The following ODF2L variants were observed in gnomAD, a reference collection of about 807,000 sequenced individuals.
ODF2L encodes the protein protein BCAP.
ODF2L carries 76 observed loss-of-function variants against 86.3 expected under a neutral mutation model. The observed-to-expected ratio is 0.88, with a 90% CI of 0.73 to 1.07. ODF2L has a LOEUF of 1.07. Ranked by LOEUF, ODF2L falls within the 50% of genes least tolerant of loss-of-function variation. The pLI, the probability that ODF2L is intolerant of heterozygous loss-of-function variation, is 0.00. For synonymous variants in ODF2L, 241 were observed against 231.3 expected (o/e 1.04, Z -0.38); for missense variants, 748 against 717.4 (o/e 1.04, Z -0.49).
At chr1:86,383,514 G>A (rs986165937) in intron 4 of ODF2L, among the ~76,000 whole-genome samples, 6 of 151,616 alleles carry the variant, frequency 4.0e-5, no homozygotes, top group African/African-American at 1.5e-4. Flanking sequence ...GCAACACAGT[G>A]CTGTTTACAA....
intron 14 of ODF2L, chr1:86,355,075 T>C (rs778184063): frequency 3.5e-5 from 19 of 541,620 alleles, no homozygotes; most frequent in Non-Finnish European, 5.9e-5. Flanking sequence ...TATTGGAAAA[T>C]AACCAACTAA....
exon 18 of ODF2L, chr1:86,351,574 G>A (rs576906436): frequency 6.6e-6 from 1 of 152,232 alleles, no homozygotes; most frequent in African/African-American, 2.4e-5. Context: ...TTGGTTATGT[G>A]AGCTCTTTTT....
chr1:86,383,255 T>A, intron 4 of ODF2L, 59 bp from the exon 5 acceptor site: 1 of 880,192 alleles, frequency 1.1e-6, no homozygotes, highest in Non-Finnish European at 1.8e-6. Context: ...TATAAAAAAG[T>A]AGGAAGTGAA....
intron 1 of ODF2L, among the ~76,000 whole-genome samples, chr1:86,393,182 T>G (rs964318832): frequency 6.6e-6 from 1 of 152,198 alleles, no homozygotes; most frequent in Non-Finnish European, 1.5e-5. Flanking sequence ...CTGAAGAGAA[T>G]AGCATATGAA....
At chr1:86,356,979 CT>C (rs1229138845) in intron 13 of ODF2L, among the ~76,000 whole-genome samples, 3 of 152,160 alleles carry the variant, frequency 2.0e-5, no homozygotes, top group Non-Finnish European at 4.4e-5. Flanking sequence ...GGAATTGTCA[CT>C]TTTAGTCATT....
intron 11 of ODF2L, among the ~76,000 whole-genome samples, chr1:86,364,423 T>C (rs544883574): frequency 6.6e-6 from 1 of 152,164 alleles, no homozygotes; most frequent in African/African-American, 2.4e-5. Context: ...AGGATTTAGA[T>C]ACTGAGAAAA....
At chr1:86,353,722 A>G (rs1355266424) in intron 16 of ODF2L, among the ~76,000 whole-genome samples, 1 of 152,162 alleles carries the variant, frequency 6.6e-6, no homozygotes, top group Non-Finnish European at 1.5e-5. Flanking sequence ...TCTTCTGTAC[A>G]TATTCCAAGC....
Position 86,371,657 on chromosome 1 carries a change from A to C in ODF2L, c.921-504T>G, listed in dbSNP as rs12047794. On this transcript the variant is annotated intron_variant, in intron 9 of 17. Transcript: ENST00000317336. ...TAGTGTTATCAGTAATACATTTCAA[A>C]TAATAAAATATATGTATTTTTATTT... Among the ~76,000 whole-genome samples the C allele has an allele frequency of 5.9e-4, 90 of 152,292 alleles. 1 individual carries two copies. The East Asian group carries it at 0.016, about 28-fold the overall frequency.
chr1:86,382,485 T>C (rs1392821942), intron 6 of ODF2L, 127 bp from the exon 7 acceptor site: 10 of 1,462,408 alleles, frequency 6.8e-6, no homozygotes. Flanking sequence ...AGCACTACTT[T>C]ACATAAACTG....
Position 86,360,545 on chromosome 1 carries a change from A to C in ODF2L, c.1144-9T>G. ...AAAGCAGCAAGTGTAGTCTAGCAAA[A>C]AAGATATAGATTTTATAAGTCATTA... On this transcript the variant is annotated splice_polypyrimidine_tract_variant and intron_variant, in intron 11 of 17. Transcript: ENST00000317336. The C allele has an allele frequency of 7.7e-7, 1 of 1,303,160 alleles. No individual in the cohort carries two copies. The highest frequency in any genetic ancestry group is 1.1e-6 in the Non-Finnish European group (1 of 912,782). 80.7% of individuals were successfully genotyped at this position (1,303,160 alleles called of 1,614,324 possible). A position where few individuals can be genotyped will look rare whatever the true frequency, so the allele number is the denominator to read the frequency against.
chr1:86,352,786 A>C (rs1348230985), intron 17 of ODF2L, 73 bp downstream of exon 16: 2 of 891,542 alleles, frequency 2.2e-6, no homozygotes, highest in Non-Finnish European at 3.4e-6. Context: ...TGATTCACTC[A>C]CTTTGTATTT....
intron 7 of ODF2L, among the ~76,000 whole-genome samples, chr1:86,379,967 A>G (rs1660451267): frequency 6.6e-6 from 1 of 152,196 alleles, no homozygotes; most frequent in Non-Finnish European, 1.5e-5. Flanking sequence ...GGTAACTCAG[A>G]TGCTTTTATT....
chr1:86,358,032 G>T, intron 13 of ODF2L: 1 of 984,972 alleles, frequency 1.0e-6, no homozygotes, highest in Non-Finnish European at 1.2e-6. Context: ...CTATCTTTAT[G>T]TCTGTATAAC....
chr1:86,394,069 C>G (rs1661526320), intron 1 of ODF2L, among the ~76,000 whole-genome samples: 1 of 152,168 alleles, frequency 6.6e-6, no homozygotes, highest in African/African-American at 2.4e-5. Flanking sequence ...ATTTACTGAG[C>G]AGAGCACTGA....
At chr1:86,356,589 A>G (rs1251571449) in exon 14 of ODF2L, 4 of 1,613,580 alleles carry the variant, frequency 2.5e-6, no homozygotes, top group Non-Finnish European at 3.4e-6. Flanking sequence ...ATGAGACTCC[A>G]TCTGGCCTCT....
intron 9 of ODF2L, 38 bp from the exon 10 acceptor site, chr1:86,371,191 A>C (rs1440136071): frequency 8.3e-7 from 1 of 1,197,658 alleles, no homozygotes; most frequent in Non-Finnish European, 1.1e-6. Context: ...AAAAGTCATA[A>C]AAATTTTTAT....
intron 12 of ODF2L, 111 bp from the exon 12 acceptor site, chr1:86,359,002 C>T: frequency 1.8e-6 from 1 of 555,170 alleles, no homozygotes; most frequent in Non-Finnish European, 3.1e-6. Context: ...TATCAATATC[C>T]TTGACTGGTT....
chr1:86,379,233 G>T (rs1660400324), intron 7 of ODF2L, among the ~76,000 whole-genome samples: 1 of 152,094 alleles, frequency 6.6e-6, no homozygotes, highest in Non-Finnish European at 1.5e-5. Flanking sequence ...AAACTATGCA[G>T]TCTCAGGCAT....
At chr1:86,383,026 T>C (rs1398513371) in intron 5 of ODF2L, 24 bp from the exon 6 acceptor site, 16 of 1,380,316 alleles carry the variant, frequency 1.2e-5, no homozygotes, top group Non-Finnish European at 1.6e-5. Flanking sequence ...AAAATAAGAA[T>C]TAGGAATTTC....
Sources: gnomAD v4.1 joint callset for allele counts (sites outside exome capture counted in the v4.1 genomes callset) on GRCh38, gnomAD v4.1.1 for gene constraint, MANE v1.5 for transcripts, NCBI Gene and HGNC (gene_info 2026-07-23, HGNC 2026-07-21) for gene names.